NCOR2: variants seen among roughly 807,000 people sequenced by gnomAD.
NCOR2 encodes the protein CTG repeat protein 26.
Under a neutral mutation model 262.9 loss-of-function variants are expected in NCOR2, and 81 were observed. The ratio of observed to expected loss-of-function variants is 0.31; its 90% CI spans 0.26 to 0.37. The LOEUF is 0.37. Ranked by LOEUF, NCOR2 falls within the 10% of genes least tolerant of loss-of-function variation. The pLI, the probability that NCOR2 is intolerant of heterozygous loss-of-function variation, is 1.00. For synonymous variants in NCOR2, 1,659 were observed against 1,559.3 expected, an observed-to-expected ratio of 1.06 and a Z score of -1.51; for missense variants, 3,385 against 3,621.4, an observed-to-expected ratio of 0.93 and a Z score of 1.68.
At chr12:124,413,481 T>C (rs540724373) in intron 13 of NCOR2, among the ~76,000 whole-genome samples, 1 of 152,190 alleles carries the variant, frequency 6.6e-6, no homozygotes, top group African/African-American at 2.4e-5. Context: ...GGGGGGTCTG[T>C]GGGGCGAGCA....
At chr12:124,553,691 T>A (rs182497395) in intron 1 of NCOR2, among the ~76,000 whole-genome samples, 4 of 152,238 alleles carry the variant, frequency 2.6e-5, no homozygotes, top group Admixed American at 1.3e-4. Flanking sequence ...TCAATACTTT[T>A]GAGCAACGTT....
exon 47 of NCOR2, chr12:124,325,377 G>GCCGCCC: frequency 8.1e-6 from 2 of 246,788 alleles, no homozygotes; most frequent in Non-Finnish European, 6.6e-6. Flanking sequence ...ACCTGACACC[G>GCCGCCC]CCCCCCCCCC....
chr12:124,430,563 G>A (rs1333238122), intron 9 of NCOR2, 52 bp downstream of exon 11: 26 of 1,556,500 alleles, frequency 1.7e-5, no homozygotes, highest in Non-Finnish European at 2.1e-5. Context: ...GAGGATGCTG[G>A]AGCTGACCCC....
intron 1 of NCOR2, among the ~76,000 whole-genome samples, chr12:124,559,033 C>T (rs1296431854): frequency 6.6e-6 from 1 of 152,156 alleles, no homozygotes; most frequent in African/African-American, 2.4e-5. Flanking sequence ...GGCCTCCGGA[C>T]CCCAGAAAAG....
At chr12:124,335,929 C>T (rs1361463782) in intron 38 of NCOR2, 6 of 396,030 alleles carry the variant, frequency 1.5e-5, no homozygotes, top group Admixed American at 4.0e-5. Context: ...GGAGGCCGGG[C>T]GAGGCCAGCG....
chr12:124,524,730 C>A (rs372205482), intron 1 of NCOR2, among the ~76,000 whole-genome samples: 71 of 152,354 alleles, frequency 4.7e-4, no homozygotes, highest in African/African-American at 1.7e-3. Context: ...ACCCCCAGGT[C>A]TCCCCTTGAA....
intron 16 of NCOR2, 46 bp from the exon 19 acceptor site, chr12:124,385,933 G>C (rs367891696): frequency 1.3e-6 from 2 of 1,593,044 alleles, no homozygotes; most frequent in Middle Eastern, 1.7e-4. Context: ...GGCCCGGCAC[G>C]CAGAGGGGGC....
chr12:124,494,807 C>CG (rs1416510979), intron 1 of NCOR2, among the ~76,000 whole-genome samples: 1 of 152,160 alleles, frequency 6.6e-6, no homozygotes, highest in Non-Finnish European at 1.5e-5. Context: ...ACTGCGGCAG[C>CG]GGGGGAGCAG....
upstream of NCOR2, among the ~76,000 whole-genome samples, chr12:124,535,851 C>T (rs578084529): frequency 9.9e-5 from 15 of 151,976 alleles, no homozygotes; most frequent in South Asian, 2.3e-3. Context: ...CGGGAAGTGA[C>T]GGAGCTGTGA....
At chr12:124,384,526 C>T (rs974867595) in intron 17 of NCOR2, among the ~76,000 whole-genome samples, 3 of 152,184 alleles carry the variant, frequency 2.0e-5, no homozygotes, top group African/African-American at 4.8e-5. Flanking sequence ...CGTGGCCCCT[C>T]GGTCCCGGAG....
At chr12:124,404,113 G>A (rs1003303826) in intron 13 of NCOR2, among the ~76,000 whole-genome samples, 3 of 152,238 alleles carry the variant, frequency 2.0e-5, no homozygotes, top group Non-Finnish European at 4.4e-5. Flanking sequence ...TCTTTTGGAG[G>A]TGGAAGCTGG....
At chr12:124,354,407 G>T in intron 26 of NCOR2, 71 bp downstream of exon 28, 3 of 1,362,030 alleles carry the variant, frequency 2.2e-6, no homozygotes, top group South Asian at 1.5e-5. Context: ...AGCAGGTTTT[G>T]AATAAAGGGC....
intron 1 of NCOR2, among the ~76,000 whole-genome samples, chr12:124,562,764 C>T (rs1002946076): frequency 9.9e-5 from 15 of 152,196 alleles, no homozygotes; most frequent in South Asian, 6.2e-4. Context: ...AGGATCTTTC[C>T]CAGCAGCTTT....
rs976234532 is a variant in NCOR2, at chr12:124,517,737, C to T, written c.-118+17828G>A. On this transcript the variant is annotated intron_variant, in intron 1 of 46. Coordinates refer to the NCOR2 transcript ENST00000404621. This position sits in a 1 kb window ranked among gnomAD's most constrained non-coding sequence, Gnocchi z 7.6. ...CAAGGAGAGGAGCACAGTGCCCACC[C>T]GGGTCCCCTCCCACGCGGGCCGGCC... 6.6e-6 allele frequency among the ~76,000 whole-genome samples: 1 copy of T among 152,230 alleles called. No individual in the cohort carries two copies. Among genetic ancestry groups the T allele is most frequent in the Non-Finnish European group, 1.5e-5 (1 of 68,026 alleles).
intron 5 of NCOR2, among the ~76,000 whole-genome samples, chr12:124,461,293 G>A (rs2046148290): frequency 6.6e-6 from 1 of 152,228 alleles, no homozygotes; most frequent in Non-Finnish European, 1.5e-5. Flanking sequence ...CACTGCCCAA[G>A]CTCACCTGGC....
chr12:124,475,130 T>C (rs546561876), intron 3 of NCOR2, among the ~76,000 whole-genome samples: 1 of 152,232 alleles, frequency 6.6e-6, no homozygotes, highest in South Asian at 2.1e-4. Flanking sequence ...CCATGTGAGA[T>C]GTGGGGGCAA....
chr12:124,517,803 C>T lies in NCOR2; in HGVS notation c.-118+17762G>A, dbSNP rs888685778. 3.9e-5 allele frequency among the ~76,000 whole-genome samples: 6 copies of T among 152,208 alleles called. No homozygotes were observed. The highest frequency in any genetic ancestry group is 8.8e-5 in the Non-Finnish European group (6 of 68,034). The stretch of plus-strand genomic sequence containing the variant: ...GGCCTGCCCGGCCAGCGCCTCCGAG[C>T]GCTCTTTTCCGTGACTGCAGCAACT... On this transcript the variant is annotated intron_variant, in intron 1 of 46. Transcript: ENST00000404621. The surrounding 1 kb of genome is among the most constrained non-coding windows in gnomAD (Gnocchi z 7.6).
intron 3 of NCOR2, among the ~76,000 whole-genome samples, chr12:124,476,046 G>A (rs1350178302): frequency 6.6e-6 from 1 of 152,240 alleles, no homozygotes; most frequent in Non-Finnish European, 1.5e-5. Context: ...CCTCAGGAGT[G>A]TGTATGCACG....
intron 19 of NCOR2, among the ~76,000 whole-genome samples, chr12:124,372,902 G>A (rs755116397): frequency 1.3e-5 from 2 of 152,164 alleles, no homozygotes; most frequent in African/African-American, 4.8e-5. Flanking sequence ...CAGCACCCCC[G>A]ACAGATGGAG....
Sources: allele counts gnomAD v4.1 joint callset (sites outside exome capture counted in the v4.1 genomes callset), GRCh38; gene constraint gnomAD v4.1.1; non-coding constraint Gnocchi (gnomAD v3.1); transcripts MANE v1.5; gene names NCBI Gene and HGNC (gene_info 2026-07-23, HGNC 2026-07-21).